Variants in DLGAP2 observed in about 807,000 individuals in gnomAD.
DLGAP2 encodes disks large-associated protein 2.
Under a neutral mutation model 100.3 loss-of-function variants are expected in DLGAP2, and 26 were observed. The ratio of observed to expected loss-of-function variants is 0.26; its 90% CI spans 0.19 to 0.36. The LOEUF is 0.36. DLGAP2 is among the 10% of genes least tolerant of loss of function. The probability of loss-of-function intolerance (pLI) is 1.00; values close to 1 mark genes in which losing one functional copy is unlikely to be tolerated. For missense variants in DLGAP2, 1,858 were observed against 1,453.2 expected (o/e 1.28, Z -4.53); for synonymous variants, 886 against 630.1 (o/e 1.41, Z -6.08).
chr8:1,450,605 G>A (rs912469364), intron 3 of DLGAP2, among the ~76,000 whole-genome samples: 2 of 152,002 alleles, frequency 1.3e-5, no homozygotes, highest in African/African-American at 4.8e-5. Context: ...ACTTCCTCCT[G>A]CCTACCTTTT....
At chr8:883,672 T>G (rs145127747) in intron 1 of DLGAP2, among the ~76,000 whole-genome samples, 2,513 of 149,866 alleles carry the variant, frequency 0.017, 65 homozygotes, top group African/African-American at 0.058. Context: ...TAGGTGCGCG[T>G]GTGCCGCGGC....
intron 3 of DLGAP2, among the ~76,000 whole-genome samples, chr8:1,343,657 C>T (rs568187905): frequency 6.6e-6 from 1 of 152,134 alleles, no homozygotes; most frequent in South Asian, 2.1e-4. Context: ...TTGATAAAAA[C>T]AGGGAAATGG....
intron 3 of DLGAP2, among the ~76,000 whole-genome samples, chr8:1,426,274 G>C (rs1260784380): frequency 6.6e-6 from 1 of 152,170 alleles, no homozygotes; most frequent in East Asian, 1.9e-4. Context: ...GAAAAACGAG[G>C]AGACTAAGGA....
intron 6 of DLGAP2, among the ~76,000 whole-genome samples, chr8:1,613,456 T>C (rs1797046665): frequency 6.6e-6 from 1 of 151,440 alleles, no homozygotes; most frequent in Non-Finnish European, 1.5e-5. Flanking sequence ...GACGAGTTAG[T>C]GGGTGCAGCG....
chr8:1,432,284 C>G (rs563998426), intron 3 of DLGAP2, among the ~76,000 whole-genome samples: 28 of 152,220 alleles, frequency 1.8e-4, no homozygotes, highest in Admixed American at 3.9e-4. Flanking sequence ...GCTTCCTCTA[C>G]AAAAGCAGCT....
chr8:1,047,440 G>C (rs1802547148), intron 2 of DLGAP2, among the ~76,000 whole-genome samples: 1 of 152,226 alleles, frequency 6.6e-6, no homozygotes, highest in Non-Finnish European at 1.5e-5. Context: ...AAATGCTCCA[G>C]TGAGCATTTC....
At chr8:1,007,368 A>C (rs994500437) in intron 2 of DLGAP2, among the ~76,000 whole-genome samples, 3 of 152,172 alleles carry the variant, frequency 2.0e-5, no homozygotes, top group Non-Finnish European at 2.9e-5. Flanking sequence ...TGCTGTAACC[A>C]AGGGGGAGTG....
At chr8:1,066,762 C>G (rs114873183) in intron 2 of DLGAP2, among the ~76,000 whole-genome samples, 1 of 152,252 alleles carries the variant, frequency 6.6e-6, no homozygotes, top group Non-Finnish European at 1.5e-5. Flanking sequence ...CACGCGGCAC[C>G]TCCGTCCCTG....
intron 2 of DLGAP2, among the ~76,000 whole-genome samples, chr8:1,231,644 A>G (rs1476710788): frequency 6.6e-6 from 1 of 152,254 alleles, no homozygotes; most frequent in Admixed American, 6.5e-5. Context: ...GGGATACTGC[A>G]TAGCCATAAA....
chr8:919,031 C>T (rs1296175064), intron 2 of DLGAP2, among the ~76,000 whole-genome samples: 1 of 152,126 alleles, frequency 6.6e-6, no homozygotes, highest in Non-Finnish European at 1.5e-5. Context: ...GCCTCAAGTT[C>T]CTGGGCTCAA....
chr8:1,237,341 T>C lies in DLGAP2; in HGVS notation c.74-21510T>C, dbSNP rs1417477096. ...CATCGTGTCTAGTTCTCTCACATGG[T>C]GCCGTGTCTAGTTCTCTCACATGGC... is the stretch of plus-strand genomic sequence containing the variant. On this transcript the variant is annotated intron_variant, in intron 2 of 14. Transcript: ENST00000637795. 3.5e-3 allele frequency among the ~76,000 whole-genome samples: 290 copies of C among 82,414 alleles called. 2 individuals are homozygous for C. The highest frequency in any genetic ancestry group is 0.012 in the African/African-American group (186 of 14,998). The allele number at this position is 82,414 out of a possible 152,430, so 54.1% of individuals were successfully genotyped here.
chr8:864,126 G>C (rs770121473), intron 1 of DLGAP2, among the ~76,000 whole-genome samples: 1 of 152,122 alleles, frequency 6.6e-6, no homozygotes, highest in Non-Finnish European at 1.5e-5. Context: ...AATCCCACTC[G>C]TGCAGAATCT....
intron 3 of DLGAP2, among the ~76,000 whole-genome samples, chr8:1,484,078 C>G (rs553172560): frequency 6.6e-6 from 1 of 152,346 alleles, no homozygotes; most frequent in East Asian, 1.9e-4. Context: ...GGAAGAAAGA[C>G]AAAGCCGGCT....
At chr8:1,641,459 T>A (rs966847235) in intron 8 of DLGAP2, among the ~76,000 whole-genome samples, 1 of 152,184 alleles carries the variant, frequency 6.6e-6, no homozygotes, top group African/African-American at 2.4e-5. Flanking sequence ...TAATGAGATT[T>A]CAAGATGAAG....
At chr8:1,616,923 T>A (rs980982630) in intron 6 of DLGAP2, among the ~76,000 whole-genome samples, 12 of 152,182 alleles carry the variant, frequency 7.9e-5, no homozygotes, top group African/African-American at 2.9e-4. Flanking sequence ...TGTGTAGTTT[T>A]CCTCTCTGTG....
At chr8:899,130 C>G (rs963862486) in intron 1 of DLGAP2, among the ~76,000 whole-genome samples, 1 of 152,238 alleles carries the variant, frequency 6.6e-6, no homozygotes, top group Admixed American at 6.5e-5. Flanking sequence ...AGCCTGATGT[C>G]TTCACGCCAC....
intron 2 of DLGAP2, chr8:1,032,943 C>G (rs1802015621): frequency 6.6e-6 from 1 of 152,280 alleles, no homozygotes; most frequent in Non-Finnish European, 1.5e-5. Context: ...TCCATGTGTT[C>G]TGCCTGACAG....
chr8:1,450,400 T>C lies in DLGAP2; in HGVS notation c.107-50966T>C, dbSNP rs12541241. On this transcript the variant is annotated intron_variant, in intron 3 of 14. Transcript: ENST00000637795. ...GAGGGTGAAGATGAGGTGGGCGGCC[T>C]CGGTGGCTGAGGCTGAGCTGTGAGG... Among the ~76,000 whole-genome samples, 143 of 44,856 alleles carry C rather than the reference T, an allele frequency of 3.2e-3. 10 individuals are homozygous for C. In the East Asian group the frequency reaches 0.035, roughly 11 times the overall value. The allele number at this position is 44,856 out of a possible 152,430, so 29.4% of individuals were successfully genotyped here.
intron 3 of DLGAP2, among the ~76,000 whole-genome samples, chr8:1,380,463 C>G (rs147350219): frequency 3.3e-5 from 5 of 152,290 alleles, no homozygotes; most frequent in Middle Eastern, 3.4e-3. Flanking sequence ...GTGCATAAAA[C>G]TCACCCCTCC....
Sources: gnomAD v4.1 joint callset for allele counts (sites outside exome capture counted in the v4.1 genomes callset) on GRCh38, gnomAD v4.1.1 for gene constraint, MANE v1.5 for transcripts, NCBI Gene and HGNC (gene_info 2026-07-23, HGNC 2026-07-21) for gene names.